The following NME7 variants were observed in gnomAD, a reference collection of about 807,000 sequenced individuals.
The protein encoded by NME7 is nucleoside diphosphate kinase 7.
A neutral mutation model predicts 49.1 loss-of-function variants in NME7; 41 were observed. The observed-to-expected ratio is 0.83, with a 90% CI of 0.65 to 1.08. The LOEUF (loss-of-function observed/expected upper bound fraction) is 1.08. Among genes scored for constraint, NME7 ranks in the 50% least tolerant of loss-of-function variants. NME7 has a pLI of 0.00. For synonymous variants in NME7, 139 were observed against 150.6 expected (o/e 0.92, Z 0.56); for missense variants, 423 against 463.4 (o/e 0.91, Z 0.80).
At chr1:169,179,248 C>T (rs1231644362) in intron 10 of NME7, among the ~76,000 whole-genome samples, 1 of 152,130 alleles carries the variant, frequency 6.6e-6, no homozygotes, top group Non-Finnish European at 1.5e-5. Context: ...CAAATCAAAA[C>T]CACAATGTGA....
At position 169,204,206 on chromosome 1, in the gene NME7, G is replaced by A. The variant is rs1380583482; in HGVS notation, c.990+26512C>T. Among the ~76,000 whole-genome samples the A allele has an allele frequency of 2.0e-5, 3 of 151,550 alleles. No homozygotes were observed. The South Asian group carries it at 6.3e-4, about 32-fold the overall frequency. On this transcript the variant is annotated intron_variant, in intron 10 of 11. Transcript: ENST00000367811. ...CTGGGGTCCCCTTGTCCAAGTGAGG[G>A]ATCTGTTCAGTCAGTAGGGAGCTTG... is the stretch of plus-strand genomic sequence containing the variant.
Position 169,270,615 on chromosome 1 carries a change from T to A in NME7, c.754+16688A>T, listed in dbSNP as rs1421082723. Among the ~76,000 whole-genome samples the A allele has an allele frequency of 3.7e-5, 5 of 133,798 alleles. 1 individual carries two copies. Among genetic ancestry groups the A allele is most frequent in the Admixed American group, 7.4e-5 (1 of 13,566 alleles). 87.8% of individuals were successfully genotyped at this position (133,798 alleles called of 152,430 possible). ...ACTTTGCTTAAAAATTAAAAGATAA[T>A]GATATTAGTGGCAGCAGCAGTAGTA... is the stretch of plus-strand genomic sequence containing the variant. On this transcript the variant is annotated intron_variant, in intron 7 of 11. Transcript: ENST00000367811.
At chr1:169,320,231 A>G (rs1651802041) in intron 3 of NME7, among the ~76,000 whole-genome samples, 1 of 152,220 alleles carries the variant, frequency 6.6e-6, no homozygotes, top group South Asian at 2.1e-4. Context: ...CTCATTGACA[A>G]CTTGTAACCT....
intron 7 of NME7, among the ~76,000 whole-genome samples, chr1:169,247,920 A>T (rs1036919709): frequency 1.3e-5 from 2 of 152,202 alleles, no homozygotes; most frequent in African/African-American, 4.8e-5. Context: ...TACGTTTGCA[A>T]CTGTGAATTG....
intron 10 of NME7, among the ~76,000 whole-genome samples, chr1:169,171,806 G>GT (rs35524440): frequency 0.062 from 9,057 of 145,238 alleles, 312 homozygotes; most frequent in South Asian, 0.12. Context: ...ATTCCTGGCT[G>GT]TTTTTTTTTT....
chr1:169,181,615 C>T (rs1371273991), intron 10 of NME7, among the ~76,000 whole-genome samples: 7 of 152,128 alleles, frequency 4.6e-5, no homozygotes, highest in African/African-American at 1.4e-4. Context: ...TCTCTCCCAT[C>T]ACTTAACAAA....
intron 1 of NME7, among the ~76,000 whole-genome samples, chr1:169,355,391 CACATAT>C (rs1162502171): frequency 7.8e-6 from 1 of 127,716 alleles, no homozygotes; most frequent in African/African-American, 2.9e-5. Context: ...CACACACACA[CACATAT>C]ACCTGCTATG....
At chr1:169,321,520 A>G (rs563184358) in intron 3 of NME7, among the ~76,000 whole-genome samples, 26 of 152,202 alleles carry the variant, frequency 1.7e-4, no homozygotes, top group Admixed American at 3.9e-4. Context: ...CTTTAATCCC[A>G]AAGACTTTTA....
chr1:169,176,138 C>G (rs1659742786), intron 10 of NME7, among the ~76,000 whole-genome samples: 1 of 152,032 alleles, frequency 6.6e-6, no homozygotes, highest in African/African-American at 2.4e-5. Context: ...TTTTATATTC[C>G]TGGGAGATAA....
At chr1:169,293,439 AT>A (rs1375879555) in intron 6 of NME7, among the ~76,000 whole-genome samples, 1 of 152,162 alleles carries the variant, frequency 6.6e-6, no homozygotes, top group African/African-American at 2.4e-5. Context: ...ATCTCACACA[AT>A]TTATTGACTA....
intron 10 of NME7, among the ~76,000 whole-genome samples, chr1:169,206,134 C>G (rs1231452501): frequency 6.6e-6 from 1 of 152,094 alleles, no homozygotes; most frequent in African/African-American, 2.4e-5. Flanking sequence ...TACACACTTA[C>G]CATCATATTA....
chr1:169,277,146 G>T (rs1331643196), intron 7 of NME7, among the ~76,000 whole-genome samples: 1 of 150,418 alleles, frequency 6.6e-6, no homozygotes, highest in Admixed American at 6.7e-5. Flanking sequence ...GGGTGGTGCT[G>T]AAAATATGTA....
intron 6 of NME7, among the ~76,000 whole-genome samples, chr1:169,290,293 C>G (rs1438444552): frequency 1.3e-5 from 2 of 152,030 alleles, no homozygotes; most frequent in Non-Finnish European, 2.9e-5. Context: ...AATATCATTT[C>G]TGTAAATGTC....
At chr1:169,366,962 A>G (rs1653889206) in intron 1 of NME7, among the ~76,000 whole-genome samples, 1 of 152,190 alleles carries the variant, frequency 6.6e-6, no homozygotes, top group Admixed American at 6.5e-5. Flanking sequence ...TGCTTAAAAG[A>G]TATGGTAGTT....
At chr1:169,301,065 G>A (rs12121346) in intron 5 of NME7, among the ~76,000 whole-genome samples, 57,343 of 151,920 alleles carry the variant, frequency 0.38, 11,532 homozygotes, top group East Asian at 0.79. Context: ...TAATGGCAAC[G>A]AAAACAAAAA....
rs115459403 is a variant in NME7, at chr1:169,260,158, T to C, written c.755-22471A>G. ...TAAAATAAGTTAGAACTTTGAACCA[T>C]AGGTTTTCTAGAGTAAGTAAGATGT... On this transcript the variant is annotated intron_variant, in intron 7 of 11. Transcript: ENST00000367811. Among the ~76,000 whole-genome samples, 331 of 133,518 alleles carry C rather than the reference T, an allele frequency of 2.5e-3. 29 individuals carry two copies. Among genetic ancestry groups the C allele is most frequent in the African/African-American group, 7.6e-3 (301 of 39,420 alleles). 87.6% of individuals were successfully genotyped at this position (133,518 alleles called of 152,430 possible).
chr1:169,172,489 G>GAC (rs1476478073), intron 10 of NME7, among the ~76,000 whole-genome samples: 26 of 152,010 alleles, frequency 1.7e-4, no homozygotes, highest in African/African-American at 6.3e-4. Context: ...GGGCACATAT[G>GAC]GTCTTCTGCC....
At chr1:169,352,251 C>A (rs1653203705) in intron 1 of NME7, among the ~76,000 whole-genome samples, 3 of 152,020 alleles carry the variant, frequency 2.0e-5, no homozygotes. Flanking sequence ...GGATTTATCC[C>A]TGAGATGCAG....
chr1:169,227,541 G>T (rs529124467), intron 10 of NME7, among the ~76,000 whole-genome samples: 240 of 152,168 alleles, frequency 1.6e-3, no homozygotes, highest in Non-Finnish European at 2.5e-3. Context: ...TCTGAAGGCT[G>T]GAAGGTCTGA....
Sources: allele counts gnomAD v4.1 joint callset (sites outside exome capture counted in the v4.1 genomes callset), GRCh38; gene constraint gnomAD v4.1.1; transcripts MANE v1.5; gene names NCBI Gene and HGNC (gene_info 2026-07-23, HGNC 2026-07-21).